The following LCLAT1 variants were observed in gnomAD, a reference collection of about 807,000 sequenced individuals.
LCLAT1 encodes the protein lysocardiolipin acyltransferase 1.
LCLAT1 carries 11 observed loss-of-function variants against 30.7 expected under a neutral mutation model. The ratio of observed to expected loss-of-function variants is 0.36; its 90% CI spans 0.23 to 0.59. The LOEUF is 0.59. LCLAT1 is among the 20% of genes least tolerant of loss of function. LCLAT1 has a pLI of 0.77. For synonymous variants in LCLAT1, 155 were observed against 151.3 expected (o/e 1.02, Z -0.18); for missense variants, 402 against 458.6 (o/e 0.88, Z 1.13).
At chr2:30,544,344 CT>C (rs1274180666) in intron 3 of LCLAT1, among the ~76,000 whole-genome samples, 1 of 152,074 alleles carries the variant, frequency 6.6e-6, no homozygotes, top group Non-Finnish European at 1.5e-5. Flanking sequence ...ACTTTTTTTC[CT>C]TTTTAACTAT....
rs1211215940 is a variant in LCLAT1, at chr2:30,643,856, A to G, written c.*3237A>G. 3 of 152,652 alleles carry G rather than the reference A, an allele frequency of 2.0e-5. No individual in the cohort carries two copies. The highest frequency in any genetic ancestry group is 2.4e-5 in the African/African-American group (1 of 41,468). 9.5% of individuals were successfully genotyped at this position (152,652 alleles called of 1,614,324 possible). ...AGTCTCTTTTTGCTACTGAAAGGGAAATGGTCTCTAAACACTGGTCACTGT... is the reference window on the plus strand; with the variant it reads ...AGTCTCTTTTTGCTACTGAAAGGGAGATGGTCTCTAAACACTGGTCACTGT... On this transcript the variant is annotated 3_prime_UTR_variant, in exon 6 of 6. Coordinates refer to ENST00000379509, the MANE Select transcript of LCLAT1 (RefSeq NM_001002257.3).
At position 30,641,134 on chromosome 2, in the gene LCLAT1, C is replaced by A. The variant is rs998076551; in HGVS notation, c.*515C>A. ...TCATCCTTAAGATCAGAAAATGGAACCCCCTTTGTCGTGAAACCGATCAAG... is the reference window on the plus strand; with the variant it reads ...TCATCCTTAAGATCAGAAAATGGAAACCCCTTTGTCGTGAAACCGATCAAG... On this transcript the variant is annotated 3_prime_UTR_variant, in exon 6 of 6. Coordinates refer to ENST00000379509, the MANE Select transcript of LCLAT1 (RefSeq NM_001002257.3). 1.3e-5 allele frequency: 2 copies of A among 152,964 alleles called. No individual in the cohort carries two copies. The highest frequency in any genetic ancestry group is 2.4e-5 in the African/African-American group (1 of 41,422). 9.5% of individuals were successfully genotyped at this position (152,964 alleles called of 1,614,324 possible). A position where few individuals can be genotyped will look rare whatever the true frequency, so the allele number is the denominator to read the frequency against.
chr2:30,498,013 A>G (rs961527703), intron 1 of LCLAT1, among the ~76,000 whole-genome samples: 5 of 152,140 alleles, frequency 3.3e-5, no homozygotes, highest in African/African-American at 1.2e-4. Context: ...CTTGCCAGTT[A>G]TATGGTCTAG....
chr2:30,467,347 C>T (rs1682499829), intron 1 of LCLAT1, among the ~76,000 whole-genome samples: 1 of 152,172 alleles, frequency 6.6e-6, no homozygotes, highest in Admixed American at 6.5e-5. Context: ...CATTGATGGA[C>T]ATTTGGGTTG....
intron 1 of LCLAT1, among the ~76,000 whole-genome samples, chr2:30,489,535 G>A (rs1683732810): frequency 6.6e-6 from 1 of 152,080 alleles, no homozygotes; most frequent in Admixed American, 6.5e-5. Context: ...TGTATTTTTA[G>A]TAGAGACAGC....
intron 5 of LCLAT1, among the ~76,000 whole-genome samples, chr2:30,590,015 G>A (rs1666620382): frequency 6.6e-6 from 1 of 152,060 alleles, no homozygotes; most frequent in Non-Finnish European, 1.5e-5. Flanking sequence ...AAAGAGAGGT[G>A]ATAATCATGT....
intron 1 of LCLAT1, among the ~76,000 whole-genome samples, chr2:30,455,909 C>CAAAAAAA (rs3060184): frequency 1.6e-5 from 1 of 61,000 alleles, no homozygotes; most frequent in African/African-American, 6.7e-5. Context: ...GACCCTATAT[C>CAAAAAAA]AAAAAAAAAA....
intron 1 of LCLAT1, among the ~76,000 whole-genome samples, chr2:30,524,204 T>C (rs556460159): frequency 1.3e-5 from 2 of 152,328 alleles, no homozygotes; most frequent in Non-Finnish European, 2.9e-5. Flanking sequence ...CAAGCATTTA[T>C]TTTAAAACAT....
At chr2:30,549,154 T>G (rs1344722600) in intron 3 of LCLAT1, among the ~76,000 whole-genome samples, 1 of 152,228 alleles carries the variant, frequency 6.6e-6, no homozygotes, top group East Asian at 1.9e-4. Context: ...GCTGAAGCCC[T>G]GAGCTGTGTG....
intron 5 of LCLAT1, among the ~76,000 whole-genome samples, chr2:30,601,347 A>G (rs1474721192): frequency 6.6e-6 from 1 of 152,218 alleles, no homozygotes; most frequent in African/African-American, 2.4e-5. Context: ...TTGGGATTCT[A>G]AATTTGAATA....
chr2:30,619,601 A>G (rs1668150680), intron 5 of LCLAT1, among the ~76,000 whole-genome samples: 1 of 152,254 alleles, frequency 6.6e-6, no homozygotes, highest in African/African-American at 2.4e-5. Context: ...GGATTAACTG[A>G]AAAACTGGGC....
intron 2 of LCLAT1, among the ~76,000 whole-genome samples, chr2:30,530,896 G>A (rs1685948807): frequency 6.6e-6 from 1 of 152,094 alleles, no homozygotes; most frequent in Non-Finnish European, 1.5e-5. Context: ...AGGATTGTTT[G>A]GGATCTATAG....
At chr2:30,564,896 T>G (rs1572632290) in intron 4 of LCLAT1, among the ~76,000 whole-genome samples, 1 of 152,210 alleles carries the variant, frequency 6.6e-6, no homozygotes, top group East Asian at 1.9e-4. Flanking sequence ...TTATAACTTT[T>G]TAATGGAAGC....
chr2:30,518,474 A>G (rs1685302576), intron 1 of LCLAT1, among the ~76,000 whole-genome samples: 1 of 152,234 alleles, frequency 6.6e-6, no homozygotes, highest in Admixed American at 6.5e-5. Context: ...AGAACCAGGA[A>G]GGAACCATCT....
chr2:30,470,030 A>G (rs1422593329), intron 1 of LCLAT1, among the ~76,000 whole-genome samples: 1 of 152,086 alleles, frequency 6.6e-6, no homozygotes, highest in Non-Finnish European at 1.5e-5. Context: ...CACGCCCAGC[A>G]AGAATCTGCA....
chr2:30,457,650 A>G (rs1170571774), intron 1 of LCLAT1, among the ~76,000 whole-genome samples: 1 of 152,190 alleles, frequency 6.6e-6, no homozygotes, highest in African/African-American at 2.4e-5. Context: ...ATTTGAACCA[A>G]TTGGAACATC....
intron 3 of LCLAT1, among the ~76,000 whole-genome samples, chr2:30,553,600 G>A (rs926338414): frequency 7.2e-5 from 11 of 152,088 alleles, no homozygotes; most frequent in Non-Finnish European, 1.3e-4. Flanking sequence ...TGGATCATGA[G>A]GTCAGGAGAT....
chr2:30,589,087 G>A (rs912885423), intron 5 of LCLAT1, among the ~76,000 whole-genome samples: 3 of 152,152 alleles, frequency 2.0e-5, no homozygotes, highest in Admixed American at 1.3e-4. Context: ...TGGTTATTTG[G>A]CATTGATCCA....
At chr2:30,461,420 T>G (rs961310903) in intron 1 of LCLAT1, among the ~76,000 whole-genome samples, 23 of 152,200 alleles carry the variant, frequency 1.5e-4, no homozygotes, top group South Asian at 4.1e-4. Context: ...TTTGTTGTTG[T>G]TGGTGTTTTG....
Sources: allele counts gnomAD v4.1 joint callset (sites outside exome capture counted in the v4.1 genomes callset), GRCh38; gene constraint gnomAD v4.1.1; transcripts MANE v1.5; gene names NCBI Gene and HGNC (gene_info 2026-07-23, HGNC 2026-07-21).